Variants in MAP4 observed in about 807,000 individuals in gnomAD.
MAP4 encodes microtubule associated protein 4, also known as microtubule-associated protein 4.
MAP4 carries 76 observed loss-of-function variants against 170.2 expected under a neutral mutation model. The ratio of observed to expected loss-of-function variants is 0.45; its 90% CI spans 0.37 to 0.54. MAP4 has a LOEUF of 0.54. Ranked by LOEUF, MAP4 falls within the 20% of genes least tolerant of loss-of-function variation. The pLI, the probability that MAP4 is intolerant of heterozygous loss-of-function variation, is 0.00. For synonymous variants in MAP4, 909 were observed against 994.5 expected, an observed-to-expected ratio of 0.91 and a Z score of 1.62; for missense variants, 2,506 against 2,748.0, an observed-to-expected ratio of 0.91 and a Z score of 1.97.
intron 3 of MAP4, among the ~76,000 whole-genome samples, chr3:47,941,316 C>G: frequency 6.6e-6 from 1 of 150,508 alleles, no homozygotes; most frequent in Non-Finnish European, 1.5e-5. Context: ...CCATAGTTAC[C>G]TGGAAAAAAA....
In MAP4 at chr3:47,871,054, G is replaced by C; in HGVS notation, c.6053C>G (p.Thr2018Ser). Residue 2018 changes from threonine (T) to serine (S), a missense_variant, in exon 15 of 21, where the codon ACC (threonine) becomes AGC (serine). Thr to Ser is a moderately conservative substitution (Grantham distance 58). Coordinates refer to ENST00000683076, the MANE Select transcript of MAP4 (RefSeq NM_001385682.1). ...AGCGGGGGCTGTCCCACTGAGAGTG[G>C]TGGTTTTCTTCATGGAACTGGTGGA... Reference protein sequence around the residue: ...STSTSSMKKTTTLSGTAPAAG... With the variant: ...STSTSSMKKTSTLSGTAPAAG... 2 of 1,612,404 alleles carry C rather than the reference G, an allele frequency of 1.2e-6. No homozygotes were observed. The highest frequency in any genetic ancestry group is 1.7e-6 in the Non-Finnish European group (2 of 1,178,780).
At chr3:47,891,924 G>A (rs778919518) in intron 10 of MAP4, 120 of 1,536,032 alleles carry the variant, frequency 7.8e-5, no homozygotes, top group Non-Finnish European at 9.3e-5. Flanking sequence ...TGAGCCACTG[G>A]ATGAAAGCTG....
At chr3:47,925,635 C>G (rs966882758) in intron 4 of MAP4, among the ~76,000 whole-genome samples, 1 of 152,108 alleles carries the variant, frequency 6.6e-6, no homozygotes, top group African/African-American at 2.4e-5. Flanking sequence ...AAAGAAACCA[C>G]TTTATATGAT....
At chr3:48,066,458 C>T (rs1046086054) in intron 1 of MAP4, among the ~76,000 whole-genome samples, 2 of 152,112 alleles carry the variant, frequency 1.3e-5, no homozygotes, top group African/African-American at 2.4e-5. Context: ...ACAGGTTCCA[C>T]ATCCTTGGAT....
rs755321848 is a variant in MAP4, at chr3:47,909,908, T to A, written c.4513A>T (p.Thr1505Ser). The change falls in exon 9 of 21, where the codon ACA (threonine) becomes TCA (serine). Residue 1505 changes from threonine (T) to serine (S), a missense_variant. Coordinates refer to ENST00000683076, the MANE Select transcript of MAP4 (RefSeq NM_001385682.1). ...GTAATAGGTAGAGCAACTCCTCCTG[T>A]GCTTGTAGAGGGCACAACAGCAGAG... ...GPSAVVPSTS[T>S]GGVALPITTA... The A allele has an allele frequency of 6.8e-6, 11 of 1,613,900 alleles. No individual in the cohort carries two copies. The highest frequency in any genetic ancestry group is 8.5e-6 in the Non-Finnish European group (10 of 1,179,870).
intron 4 of MAP4, among the ~76,000 whole-genome samples, chr3:47,924,262 G>C (rs1218122446): frequency 1.3e-5 from 2 of 152,162 alleles, no homozygotes; most frequent in Non-Finnish European, 2.9e-5. Context: ...AAAGAACTGA[G>C]TGGTTATGAG....
In MAP4 at chr3:47,855,450, T is replaced by C. The variant is rs1287857739; in HGVS notation, c.6584-90A>G. 7.4e-5 allele frequency: 60 copies of C among 807,494 alleles called. No homozygotes were observed. The highest frequency in any genetic ancestry group is 1.3e-4 in the Non-Finnish European group (59 of 454,182). The allele number at this position is 807,494 out of a possible 1,614,324, so 50.0% of individuals were successfully genotyped here. On this transcript the variant is annotated intron_variant, in intron 18 of 20. Transcript: ENST00000683076. The surrounding 1 kb of genome is among the most constrained non-coding windows in gnomAD (Gnocchi z 5.1). ...ACTAGCGATATGCCCAATCTAGAAA[T>C]GAGACAGACGTGACCTGTTCTGGGT... is the stretch of plus-strand genomic sequence containing the variant.
At chr3:48,069,095 A>G (rs1360408548) in intron 1 of MAP4, among the ~76,000 whole-genome samples, 1 of 152,198 alleles carries the variant, frequency 6.6e-6, no homozygotes, top group African/African-American at 2.4e-5. Context: ...ACAACTTAGT[A>G]AATGACCTTA....
intron 6 of MAP4, among the ~76,000 whole-genome samples, chr3:47,917,414 C>T (rs2100040329): frequency 6.6e-6 from 1 of 151,730 alleles, no homozygotes; most frequent in African/African-American, 2.4e-5. Context: ...ATGGTGAAAC[C>T]CTGTCTCTAC....
upstream of MAP4, among the ~76,000 whole-genome samples, chr3:48,021,352 T>C (rs563646468): frequency 9.2e-5 from 14 of 152,006 alleles, no homozygotes; most frequent in South Asian, 2.9e-3. Context: ...TGTTTGTTTT[T>C]GTTTTTTTTT....
intron 10 of MAP4, chr3:47,891,272 T>TTGC (rs758055114): frequency 2.0e-6 from 3 of 1,536,144 alleles, no homozygotes. Context: ...CTTCCCAGAG[T>TTGC]TGCTGCTGCT....
At chr3:47,982,185 TG>T (rs1366549986) in intron 2 of MAP4, among the ~76,000 whole-genome samples, 2 of 152,112 alleles carry the variant, frequency 1.3e-5, no homozygotes, top group Non-Finnish European at 2.9e-5. Context: ...ACATAATACA[TG>T]CAATAGACTG....
At chr3:47,891,863 A>T in intron 10 of MAP4, 1 of 1,536,124 alleles carries the variant, frequency 6.5e-7, no homozygotes, top group Non-Finnish European at 8.7e-7. Flanking sequence ...GCCAGGGGTG[A>T]TGCTATTCTC....
intron 1 of MAP4, among the ~76,000 whole-genome samples, chr3:48,031,809 T>C (rs577469878): frequency 6.6e-6 from 1 of 152,164 alleles, no homozygotes; most frequent in South Asian, 2.1e-4. Flanking sequence ...TTGAGTCGAG[T>C]CCAGGAGGTT....
rs2100035013 is a variant in MAP4, at chr3:47,909,756, CACTG to C, written c.4661_4664del (p.Ser1554CysfsTer10). The C allele has an allele frequency of 6.2e-7, 1 of 1,614,026 alleles. No individual in the cohort carries two copies. Among genetic ancestry groups the C allele is most frequent in the African/African-American group, 1.3e-5 (1 of 75,064 alleles). On this transcript the variant is annotated frameshift_variant, in exon 9 of 21. Transcript: ENST00000683076. LOFTEE classifies it high-confidence loss of function. ...CTGAATGCTTAGACGCACCACTGTG[CACTG>C]ACTCAGATTCTCCTATCACATGCCC...
intron 3 of MAP4, among the ~76,000 whole-genome samples, chr3:47,947,056 C>A (rs1379671769): frequency 1.3e-5 from 2 of 152,154 alleles, no homozygotes; most frequent in Non-Finnish European, 2.9e-5. Flanking sequence ...GATTCTAGCT[C>A]TAAACTGAAG....
intron 1 of MAP4, among the ~76,000 whole-genome samples, chr3:48,051,126 A>T (rs1385369039): frequency 1.3e-5 from 2 of 150,214 alleles, no homozygotes; most frequent in Admixed American, 6.6e-5. Context: ...ACACACACAC[A>T]CTTAGGCTGG....
intron 12 of MAP4, among the ~76,000 whole-genome samples, chr3:47,874,873 G>A (rs2094753979): frequency 6.6e-6 from 1 of 150,914 alleles, no homozygotes. Context: ...ATTTTAACAT[G>A]GGAAACTATT....
intron 1 of MAP4, among the ~76,000 whole-genome samples, chr3:48,072,531 C>T (rs143510204): frequency 6.6e-6 from 1 of 152,110 alleles, no homozygotes; most frequent in East Asian, 1.9e-4. Flanking sequence ...CATGAAAAAA[C>T]TATTTTTTTA....
Sources: gnomAD v4.1 joint callset for allele counts (sites outside exome capture counted in the v4.1 genomes callset) on GRCh38, gnomAD v4.1.1 for gene constraint, Gnocchi (gnomAD v3.1) non-coding constraint, MANE v1.5 for transcripts, NCBI Gene and HGNC (gene_info 2026-07-23, HGNC 2026-07-21) for gene names.